The following RNF34 variants were observed in gnomAD, a reference collection of about 807,000 sequenced individuals.
RNF34 encodes ring finger protein 34, also known as E3 ubiquitin-protein ligase RNF34.
In RNF34, 12 loss-of-function variants were observed where a neutral mutation model predicts 37.9. The ratio of observed to expected loss-of-function variants is 0.32; its 90% CI spans 0.20 to 0.51. RNF34 has a LOEUF of 0.51. Ranked by LOEUF, RNF34 falls within the 20% of genes least tolerant of loss-of-function variation. The probability of loss-of-function intolerance (pLI) is 0.97; values close to 1 mark genes in which losing one functional copy is unlikely to be tolerated. For missense variants in RNF34, 362 were observed against 472.7 expected (o/e 0.77, Z 2.17); for synonymous variants, 155 against 177.2 (o/e 0.87, Z 1.00).
chr12:121,412,822 T>G (rs1593662289), intron 1 of RNF34, among the ~76,000 whole-genome samples: 1 of 150,882 alleles, frequency 6.6e-6, no homozygotes, highest in East Asian at 1.9e-4. Flanking sequence ...CCTCCTGGGT[T>G]CAAGTAATTC....
chr12:121,421,051 C>A (rs1555283273), intron 5 of RNF34, among the ~76,000 whole-genome samples: 1 of 151,956 alleles, frequency 6.6e-6, no homozygotes, highest in Non-Finnish European at 1.5e-5. Flanking sequence ...TTGTTACAAC[C>A]CTAATTAAAT....
At chr12:121,410,584 T>G (rs1456295680) in intron 1 of RNF34, among the ~76,000 whole-genome samples, 1 of 151,938 alleles carries the variant, frequency 6.6e-6, no homozygotes, top group Non-Finnish European at 1.5e-5. Flanking sequence ...AAAAAAATAC[T>G]TCAAATATAC....
At chr12:121,404,845 A>G (rs1362721014) in intron 1 of RNF34, 1 of 152,232 alleles carries the variant, frequency 6.6e-6, no homozygotes, top group Non-Finnish European at 1.5e-5. Flanking sequence ...TTTTCTCCCC[A>G]CAGGGATTCT....
In RNF34 at chr12:121,423,428, T is replaced by G; in HGVS notation, c.971T>G (p.Leu324Arg). ...CTGCAGGATGAGGAAGACGACAGCCTGTGTCGCATCTGCATGGATGCCGTC... is the reference window on the plus strand; with the variant it reads ...CTGCAGGATGAGGAAGACGACAGCCGGTGTCGCATCTGCATGGATGCCGTC... ...LQLQDEEDDS[L>R]CRICMDAVID... The change falls in exon 6 of 6, where the codon CTG becomes CGG. Residue 324 changes from leucine (L) to arginine (R), a missense_variant. Physicochemically the swap from Leu to Arg is moderately radical, Grantham distance 102. Transcript: ENST00000361234. The surrounding 1 kb of genome is among the most constrained non-coding windows in gnomAD (Gnocchi z 4.3). The G allele has an allele frequency of 6.2e-7, 1 of 1,612,736 alleles. No individual in the cohort carries two copies. The highest frequency in any genetic ancestry group is 1.1e-5 in the South Asian group (1 of 90,786).
chr12:121,405,366 G>A (rs554257671), intron 1 of RNF34, among the ~76,000 whole-genome samples: 2 of 151,980 alleles, frequency 1.3e-5, no homozygotes, highest in South Asian at 4.2e-4. Context: ...CACTCAACTA[G>A]CTGGTAAGCT....
At chr12:121,414,971 C>T (rs1324744611) in intron 1 of RNF34, among the ~76,000 whole-genome samples, 1 of 152,206 alleles carries the variant, frequency 6.6e-6, no homozygotes, top group Non-Finnish European at 1.5e-5. Context: ...TGGCGGATGC[C>T]TGTAATCCCA....
intron 1 of RNF34, among the ~76,000 whole-genome samples, chr12:121,415,658 T>C (rs1371635853): frequency 2.0e-5 from 3 of 152,054 alleles, no homozygotes; most frequent in African/African-American, 4.8e-5. Flanking sequence ...ATTGATGTTA[T>C]TTCTGTTAAA....
chr12:121,423,395 G>C lies in RNF34; in HGVS notation c.938G>C (p.Arg313Pro), dbSNP rs369744966. Reference protein sequence around the residue: ...NEENQKSYGERLQLQDEEDDS... With the variant: ...NEENQKSYGEPLQLQDEEDDS... ...CTCTGTTGCCTTTCAGATGGCGAGC[G>C]GCTGCAGCTGCAGGATGAGGAAGAC... Residue 313 changes from arginine to proline, a missense_variant, in exon 6 of 6, where the codon CGG becomes CCG. Transcript: ENST00000361234. The surrounding 1 kb of genome is among the most constrained non-coding windows in gnomAD (Gnocchi z 4.3). The C allele has an allele frequency of 6.2e-7, 1 of 1,605,570 alleles. No individual in the cohort carries two copies. Among genetic ancestry groups the C allele is most frequent in the Non-Finnish European group, 8.5e-7 (1 of 1,174,782 alleles).
chr12:121,405,792 ATTTC>A (rs1555280606), intron 1 of RNF34, among the ~76,000 whole-genome samples: 3 of 118,346 alleles, frequency 2.5e-5, no homozygotes, highest in Admixed American at 1.8e-4. Context: ...CCTCTGTCTT[ATTTC>A]TTTTTTTTTT....
chr12:121,420,095 T>G, intron 3 of RNF34, 147 bp from the exon 4 acceptor site: 1 of 646,180 alleles, frequency 1.5e-6, no homozygotes. Flanking sequence ...GGGCCCAACT[T>G]TTTGGAAGGG....
At position 121,419,336 on chromosome 12, in the gene RNF34, G is replaced by A. The variant is rs139024381; in HGVS notation, c.634-906G>A. Among the ~76,000 whole-genome samples the A allele has an allele frequency of 3.1e-3, 473 of 152,238 alleles. 4 individuals carry two copies. Among genetic ancestry groups the A allele is most frequent in the African/African-American group, 0.011 (453 of 41,518 alleles). ...TTTGTGGAAGTACACTGTGATGTTC[G>A]CACAATGACAAAATCGCCTAAGGAC... On this transcript the variant is annotated intron_variant, in intron 3 of 5. Transcript: ENST00000361234.
chr12:121,422,445 T>C (rs1872249792), intron 5 of RNF34, among the ~76,000 whole-genome samples: 1 of 152,246 alleles, frequency 6.6e-6, no homozygotes. Context: ...TTGAGTTGCC[T>C]AGTGCCTTCT....
chr12:121,407,196 A>G (rs368392505), intron 1 of RNF34, among the ~76,000 whole-genome samples: 4 of 152,338 alleles, frequency 2.6e-5, no homozygotes, highest in Admixed American at 6.5e-5. Context: ...AAGGTCCCCA[A>G]GTAGGTCATG....
chr12:121,402,357 A>G (rs1295513610), intron 1 of RNF34, among the ~76,000 whole-genome samples: 2 of 152,228 alleles, frequency 1.3e-5, no homozygotes, highest in South Asian at 2.1e-4. Flanking sequence ...AATTATATGG[A>G]TAAGTACATG....
chr12:121,410,953 G>A (rs1320544997), intron 1 of RNF34, among the ~76,000 whole-genome samples: 1 of 152,116 alleles, frequency 6.6e-6, no homozygotes, highest in Non-Finnish European at 1.5e-5. Context: ...GTTTGTTTTT[G>A]AGACAGGGTC....
At position 121,417,642 on chromosome 12, in the gene RNF34, G is replaced by T; in HGVS notation, c.364G>T (p.Asp122Tyr). The change falls in exon 3 of 6, where the codon GAC becomes TAC. Residue 122 changes from aspartate (D) to tyrosine (Y), a missense_variant. Physicochemically the swap from Asp to Tyr is radical, Grantham distance 160. Coordinates refer to ENST00000361234, the MANE Select transcript of RNF34 (RefSeq NM_025126.4). The surrounding 1 kb of genome is among the most constrained non-coding windows in gnomAD (Gnocchi z 5.0). The part of the protein sequence containing the change: ...RPQLMRLKVK[D>Y]LRQYLILRNI... The stretch of plus-strand genomic sequence containing the variant: ...TCAGTTAATGCGACTGAAGGTGAAG[G>T]ACCTGCGGCAGTATCTCATTCTGAG... 1.2e-6 allele frequency: 2 copies of T among 1,614,192 alleles called. No individual in the cohort carries two copies. The highest frequency in any genetic ancestry group is 2.2e-5 in the South Asian group (2 of 91,084).
intron 1 of RNF34, among the ~76,000 whole-genome samples, chr12:121,401,354 C>CAAAGAAAAAA (rs1869976174): frequency 1.3e-5 from 1 of 76,798 alleles, no homozygotes; most frequent in Non-Finnish European, 2.6e-5. Flanking sequence ...CTATAGGTAT[C>CAAAGAAAAAA]AAAAAAAAAA....
At chr12:121,410,628 G>A (rs1218494204) in intron 1 of RNF34, among the ~76,000 whole-genome samples, 5 of 151,562 alleles carry the variant, frequency 3.3e-5, no homozygotes, top group African/African-American at 1.2e-4. Context: ...TCAAATTTCT[G>A]AACTTTCCAG....
chr12:121,414,167 A>G (rs564619232), intron 1 of RNF34, among the ~76,000 whole-genome samples: 1 of 152,252 alleles, frequency 6.6e-6, no homozygotes, highest in Non-Finnish European at 1.5e-5. Context: ...ACATGCTATT[A>G]TAAAATGTTT....
Sources: gnomAD v4.1 joint callset for allele counts (sites outside exome capture counted in the v4.1 genomes callset) on GRCh38, gnomAD v4.1.1 for gene constraint, Gnocchi (gnomAD v3.1) non-coding constraint, MANE v1.5 for transcripts, NCBI Gene and HGNC (gene_info 2026-07-23, HGNC 2026-07-21) for gene names.